Variants in SUN1 observed in about 807,000 individuals in gnomAD.
The protein encoded by SUN1 is Sad1 and UNC84 domain containing 1, also known as SUN domain-containing protein 1.
SUN1 carries 61 observed loss-of-function variants against 103.2 expected under a neutral mutation model. The ratio of observed to expected loss-of-function variants is 0.59; its 90% CI spans 0.48 to 0.73. The LOEUF is 0.73. Ranked by LOEUF, SUN1 falls within the 30% of genes least tolerant of loss-of-function variation. The pLI is 0.00. For missense variants in SUN1, 1,052 were observed against 1,034.6 expected, an observed-to-expected ratio of 1.02 and a Z score of -0.23; for synonymous variants, 490 against 425.7, an observed-to-expected ratio of 1.15 and a Z score of -1.86.
chr7:857,617 T>C (rs959875882), intron 12 of SUN1, among the ~76,000 whole-genome samples: 1 of 152,250 alleles, frequency 6.6e-6, no homozygotes, highest in Non-Finnish European at 1.5e-5. Context: ...AACATTTGTA[T>C]GTTACAGACA....
chr7:833,514 T>C (rs576501988), intron 1 of SUN1, among the ~76,000 whole-genome samples: 1 of 152,212 alleles, frequency 6.6e-6, no homozygotes, highest in Admixed American at 6.5e-5. Context: ...TTTCACCATG[T>C]GGACCAGGCC....
chr7:861,316 C>A, intron 14 of SUN1, 64 bp from the exon 15 acceptor site: 2 of 1,567,174 alleles, frequency 1.3e-6, no homozygotes, highest in Non-Finnish European at 1.8e-6. Context: ...ATCCATGGCA[C>A]TAAAACCCAC....
intron 6 of SUN1, 109 bp downstream of exon 6, chr7:851,591 T>C (rs1478708707): frequency 5.1e-6 from 5 of 980,080 alleles, no homozygotes; most frequent in Non-Finnish European, 7.8e-6. Flanking sequence ...CTCTCATGCT[T>C]TGACCCTTGG....
chr7:849,549 G>A, intron 5 of SUN1: 1 of 1,397,320 alleles, frequency 7.2e-7, no homozygotes, highest in Non-Finnish European at 9.6e-7. Flanking sequence ...GAGAATGAAT[G>A]TGAGAGAGGT....
intron 16 of SUN1, among the ~76,000 whole-genome samples, chr7:867,620 C>T (rs958449673): frequency 1.3e-5 from 2 of 152,180 alleles, no homozygotes; most frequent in African/African-American, 4.8e-5. Context: ...AGGAAGTGCA[C>T]GGTCACTGGA....
rs781317972 is a variant in SUN1, at chr7:851,434, G to C, written c.709G>C (p.Val237Leu). ...LRRIGAVGQA[V>L]SRTAWSALWL... is the part of the protein sequence containing the mutation. ...CAGGATCGGAGCTGTGGGCCAGGCTGTGTCCAGGACGGCGTGGTCGGCCCT... is the reference window on the plus strand; with the variant it reads ...CAGGATCGGAGCTGTGGGCCAGGCTCTGTCCAGGACGGCGTGGTCGGCCCT... The change falls in exon 6 of 19, where the codon GTG becomes CTG. Residue 237 changes from valine to leucine, a missense_variant. Physicochemically the swap from Val to Leu is conservative, Grantham distance 32. This residue lies in a region of SUN1 where 846 missense variants were observed against 774.5 expected (regional missense o/e 1.09). Transcript: ENST00000401592. 4 of 1,610,956 alleles carry C rather than the reference G, an allele frequency of 2.5e-6. No homozygotes were observed. In the East Asian group the frequency reaches 8.9e-5, roughly 36 times the overall value.
At chr7:818,869 C>T (rs61008539) in intron 1 of SUN1, among the ~76,000 whole-genome samples, 2 of 150,638 alleles carry the variant, frequency 1.3e-5, no homozygotes, top group Non-Finnish European at 1.5e-5. Context: ...CCCCTCCCCC[C>T]CTTTTTTTTT....
chr7:869,405 G>C lies in SUN1; in HGVS notation c.2037G>C (p.Val679=), dbSNP rs1382559075. 1.9e-6 allele frequency: 3 copies of C among 1,613,748 alleles called. No individual in the cohort carries two copies. In the African/African-American group the frequency reaches 4.0e-5, roughly 22 times the overall value. Residue 679 remains valine (V), a synonymous_variant, in exon 17 of 19, where the codon GTG becomes GTC. Coordinates refer to ENST00000401592, the MANE Select transcript of SUN1 (RefSeq NM_001130965.3). ...TTAAAGGCTCCCAGGGGTACCTGGT[G>C]GTGAGGCTCTCCATGATGATCCACC... The part of the protein sequence containing the change: ...WAFKGSQGYL[V]VRLSMMIHPA...
intron 1 of SUN1, among the ~76,000 whole-genome samples, chr7:836,950 C>T (rs1803851104): frequency 2.0e-5 from 3 of 152,126 alleles, no homozygotes; most frequent in Admixed American, 6.5e-5. Context: ...AGACGTGGGG[C>T]GGATGGAGGG....
intron 5 of SUN1, among the ~76,000 whole-genome samples, chr7:844,221 T>C (rs1812938198): frequency 6.6e-6 from 1 of 152,206 alleles, no homozygotes; most frequent in Admixed American, 6.5e-5. Context: ...TTCTGTGCCC[T>C]TCATGACTGC....
chr7:824,287 G>A (rs184188168), intron 1 of SUN1, among the ~76,000 whole-genome samples: 223 of 152,354 alleles, frequency 1.5e-3, no homozygotes, highest in Non-Finnish European at 2.9e-3. Context: ...AGCTGTGTGA[G>A]CCTCTGGGTC....
At chr7:870,823 C>G (rs2128573797) in intron 17 of SUN1, among the ~76,000 whole-genome samples, 1 of 151,976 alleles carries the variant, frequency 6.6e-6, no homozygotes, top group East Asian at 1.9e-4. Flanking sequence ...TTTCAGAGGG[C>G]AGCAGCATGT....
intron 18 of SUN1, 101 bp downstream of exon 18, chr7:872,663 A>T (rs1312630949): frequency 1.1e-6 from 1 of 900,744 alleles, no homozygotes; most frequent in Non-Finnish European, 1.7e-6. Context: ...CAGCGTGAGG[A>T]CCATCCTTTG....
chr7:853,324 C>T lies in SUN1; in HGVS notation c.1054-85C>T, dbSNP rs766929137. ...CGTGCGCCCCAGAGCTGGCGTCTTGCTGTAGGACACTGTTTGGAGGTTTAA... is the reference window on the plus strand; with the variant it reads ...CGTGCGCCCCAGAGCTGGCGTCTTGTTGTAGGACACTGTTTGGAGGTTTAA... On this transcript the variant is annotated intron_variant, in intron 9 of 18. Coordinates refer to ENST00000401592, the MANE Select transcript of SUN1 (RefSeq NM_001130965.3). 3 of 1,493,720 alleles carry T rather than the reference C, an allele frequency of 2.0e-6. No individual in the cohort carries two copies. In the African/African-American group the frequency reaches 4.1e-5, roughly 21 times the overall value. The allele number at this position is 1,493,720 out of a possible 1,614,324, so 92.5% of individuals were successfully genotyped here.
At chr7:851,612 C>CT in intron 6 of SUN1, 130 bp downstream of exon 6, 1 of 829,142 alleles carries the variant, frequency 1.2e-6, no homozygotes, top group Non-Finnish European at 1.9e-6. Context: ...CGTAACGTGT[C>CT]TCGTTCTTTA....
intron 2 of SUN1, chr7:839,244 A>G (rs954655355): frequency 2.6e-6 from 1 of 389,310 alleles, no homozygotes; most frequent in Non-Finnish European, 4.5e-6. Context: ...TCGCTGGTGC[A>G]CGCCACGTGC....
At chr7:838,692 C>G (rs1220654177) in intron 1 of SUN1, 106 bp from the exon 2 acceptor site, 1 of 1,198,492 alleles carries the variant, frequency 8.3e-7, no homozygotes, top group Non-Finnish European at 1.1e-6. Flanking sequence ...AATAGTTGCT[C>G]TTGAAAATCC....
intron 1 of SUN1, among the ~76,000 whole-genome samples, chr7:820,864 G>A (rs974388972): frequency 2.0e-5 from 3 of 152,032 alleles, no homozygotes; most frequent in African/African-American, 7.2e-5. Flanking sequence ...CTGTATTTTG[G>A]TTCCATCTTA....
At chr7:835,816 C>T (rs934257717) in intron 1 of SUN1, among the ~76,000 whole-genome samples, 3 of 152,220 alleles carry the variant, frequency 2.0e-5, no homozygotes, top group African/African-American at 4.8e-5. Flanking sequence ...GGATGTTTCC[C>T]GGAGCCCTCG....
Sources: gnomAD v4.1 joint callset for allele counts (sites outside exome capture counted in the v4.1 genomes callset) on GRCh38, gnomAD v4.1.1 for gene constraint, gnomAD v4.1.1 regional missense constraint, MANE v1.5 for transcripts, NCBI Gene and HGNC (gene_info 2026-07-23, HGNC 2026-07-21) for gene names.